ADCK1: variants seen among roughly 807,000 people sequenced by gnomAD.
ADCK1 encodes aarF domain-containing protein kinase 1.
ADCK1 carries 41 observed loss-of-function variants against 52.3 expected under a neutral mutation model. The observed-to-expected ratio is 0.78, with a 90% CI of 0.61 to 1.02. The LOEUF (loss-of-function observed/expected upper bound fraction) is 1.02. Ranked by LOEUF, ADCK1 falls within the 50% of genes least tolerant of loss-of-function variation. ADCK1 has a pLI of 0.00. For synonymous variants in ADCK1, 250 were observed against 274.6 expected (o/e 0.91, Z 0.89); for missense variants, 658 against 679.5 (o/e 0.97, Z 0.35).
intron 4 of ADCK1, among the ~76,000 whole-genome samples, chr14:77,871,205 C>G (rs2082769629): frequency 6.6e-6 from 1 of 152,164 alleles, no homozygotes; most frequent in African/African-American, 2.4e-5. Flanking sequence ...AAGGGGGAGG[C>G]AGCTGGTAAC....
At chr14:77,894,486 T>C (rs1253922671) in intron 5 of ADCK1, among the ~76,000 whole-genome samples, 1 of 152,136 alleles carries the variant, frequency 6.6e-6, no homozygotes, top group Non-Finnish European at 1.5e-5. Flanking sequence ...CCTGTGTCGT[T>C]GTGTTGTGTT....
intron 9 of ADCK1, among the ~76,000 whole-genome samples, chr14:77,930,969 G>A (rs1566745266): frequency 6.6e-6 from 1 of 152,190 alleles, no homozygotes; most frequent in Non-Finnish European, 1.5e-5. Context: ...CCAGCATGAA[G>A]GGCTAATCCT....
At chr14:77,857,824 C>G (rs1421764561) in intron 3 of ADCK1, among the ~76,000 whole-genome samples, 1 of 152,196 alleles carries the variant, frequency 6.6e-6, no homozygotes, top group African/African-American at 2.4e-5. Flanking sequence ...TCGTGGTTCA[C>G]TCTCTTGGTT....
At chr14:77,900,388 A>T (rs757644002) in intron 6 of ADCK1, among the ~76,000 whole-genome samples, 10 of 152,050 alleles carry the variant, frequency 6.6e-5, no homozygotes, top group African/African-American at 2.4e-4. Context: ...GGAGTTCAAG[A>T]CCAGCCTGGC....
At chr14:77,872,389 G>T (rs1401223233) in intron 4 of ADCK1, among the ~76,000 whole-genome samples, 1 of 152,178 alleles carries the variant, frequency 6.6e-6, no homozygotes, top group Admixed American at 6.5e-5. Flanking sequence ...GTTGGGCGGG[G>T]CCAGCACCTT....
At chr14:77,910,082 T>TG (rs1483790923) in intron 7 of ADCK1, among the ~76,000 whole-genome samples, 1 of 152,096 alleles carries the variant, frequency 6.6e-6, no homozygotes, top group East Asian at 1.9e-4. Flanking sequence ...GGAAAGCTGT[T>TG]GTCCCCTGAC....
intron 4 of ADCK1, among the ~76,000 whole-genome samples, chr14:77,881,374 G>T (rs942333103): frequency 6.6e-6 from 1 of 152,164 alleles, no homozygotes; most frequent in African/African-American, 2.4e-5. Flanking sequence ...TGAGAGACTC[G>T]TCACAGCCTT....
At chr14:77,858,941 C>A in intron 3 of ADCK1, 135 bp from the exon 4 acceptor site, 1 of 733,988 alleles carries the variant, frequency 1.4e-6, no homozygotes, top group Non-Finnish European at 2.2e-6. Flanking sequence ...TGTGTGTGTG[C>A]GTGTGTGTGC....
intron 6 of ADCK1, among the ~76,000 whole-genome samples, chr14:77,903,543 C>T (rs1272137943): frequency 1.3e-5 from 2 of 152,164 alleles, no homozygotes; most frequent in Non-Finnish European, 2.9e-5. Flanking sequence ...TAAGGCCAGG[C>T]TTAGTGGATC....
intron 5 of ADCK1, 21 bp downstream of exon 5, chr14:77,887,270 C>T (rs2083179165): frequency 6.5e-7 from 1 of 1,540,168 alleles, no homozygotes; most frequent in Non-Finnish European, 8.8e-7. Context: ...TCCCTTTCTC[C>T]TTCCTGTGTC....
At chr14:77,920,254 G>C (rs1260733947) in intron 7 of ADCK1, among the ~76,000 whole-genome samples, 1 of 152,116 alleles carries the variant, frequency 6.6e-6, no homozygotes, top group African/African-American at 2.4e-5. Context: ...TTAAGTCTTT[G>C]ATCCATTTTC....
Position 77,822,436 on chromosome 14 carries a change from C to A in ADCK1, c.137C>A (p.Thr46Lys), listed in dbSNP as rs375498715. Residue 46 changes from threonine (T) to lysine (K), a missense_variant and splice_region_variant, in exon 3 of 11, where the codon ACG (threonine) becomes AAG (lysine). Physicochemically the swap from Thr to Lys is moderately conservative, Grantham distance 78. Coordinates refer to ENST00000238561, the MANE Select transcript of ADCK1 (RefSeq NM_020421.4). ...TTTCTCCACTGCCTTGGTTCACAGACGGCTGTCATCAGTTACGACTACCTC... is the reference window on the plus strand; with the variant it reads ...TTTCTCCACTGCCTTGGTTCACAGAAGGCTGTCATCAGTTACGACTACCTC... ...AVRVGRAVAT[T>K]AVISYDYLTS... is the part of the protein sequence containing the mutation. 1.9e-6 allele frequency: 3 copies of A among 1,613,412 alleles called. No individual in the cohort carries two copies. The highest frequency in any genetic ancestry group is 2.5e-6 in the Non-Finnish European group (3 of 1,179,366).
chr14:77,835,737 T>C (rs150162480), intron 3 of ADCK1, among the ~76,000 whole-genome samples: 4 of 152,278 alleles, frequency 2.6e-5, no homozygotes, highest in African/African-American at 9.6e-5. Context: ...TTGAGCTCAA[T>C]TGATCCTCCC....
At chr14:77,924,302 A>G in intron 7 of ADCK1, 155 bp from the exon 8 acceptor site, 1 of 873,828 alleles carries the variant, frequency 1.1e-6, no homozygotes, top group Non-Finnish European at 1.7e-6. Context: ...CTCAAAGAGT[A>G]TGTCATCTCA....
Position 77,925,977 on chromosome 14 carries a change from A to T in ADCK1, c.1206+16A>T. On this transcript the variant is annotated intron_variant, in intron 9 of 10. Coordinates refer to ENST00000238561, the MANE Select transcript of ADCK1 (RefSeq NM_020421.4). ...TGCCACTGAGGTAGGGGGCCCCTCC[A>T]GGCCCTGCCTCTTCCTAAATGCAGA... 1.2e-6 allele frequency: 2 copies of T among 1,613,390 alleles called. No individual in the cohort carries two copies. The highest frequency in any genetic ancestry group is 1.1e-5 in the South Asian group (1 of 91,056).
intron 1 of ADCK1, among the ~76,000 whole-genome samples, chr14:77,817,930 G>A (rs1298551488): frequency 2.0e-5 from 3 of 151,676 alleles, no homozygotes; most frequent in East Asian, 1.9e-4. Context: ...AGTAGAGACG[G>A]GGTTTCATCG....
At chr14:77,806,968 G>C (rs1193843977) in intron 1 of ADCK1, among the ~76,000 whole-genome samples, 1 of 149,834 alleles carries the variant, frequency 6.7e-6, no homozygotes, top group Non-Finnish European at 1.5e-5. Context: ...AGCCGTCTCA[G>C]CCTCCCAAAG....
chr14:77,883,633 C>T (rs571813321), intron 4 of ADCK1, among the ~76,000 whole-genome samples: 1 of 152,188 alleles, frequency 6.6e-6, no homozygotes, highest in Admixed American at 6.5e-5. Flanking sequence ...TGCTTAAGCA[C>T]AGGAGGGTGT....
At chr14:77,850,461 T>C (rs775834568) in intron 3 of ADCK1, among the ~76,000 whole-genome samples, 2 of 152,208 alleles carry the variant, frequency 1.3e-5, no homozygotes, top group East Asian at 3.9e-4. Flanking sequence ...TTTTACGTCA[T>C]GTATTTCGAA....
Sources: allele counts gnomAD v4.1 joint callset (sites outside exome capture counted in the v4.1 genomes callset), GRCh38; gene constraint gnomAD v4.1.1; transcripts MANE v1.5; gene names NCBI Gene and HGNC (gene_info 2026-07-23, HGNC 2026-07-21).